Variants in ZNF276 observed in about 807,000 individuals in gnomAD.
ZNF276 encodes zinc finger protein 276.
ZNF276 carries 59 observed loss-of-function variants against 63.9 expected under a neutral mutation model. The ratio of observed to expected loss-of-function variants is 0.92; its 90% CI spans 0.75 to 1.15. The LOEUF (loss-of-function observed/expected upper bound fraction) is 1.15, where lower values mean the gene tolerates loss of function less well. Ranked by LOEUF, ZNF276 falls within the 50% of genes most tolerant of loss-of-function variation. The pLI is 0.00. For synonymous variants in ZNF276, 496 were observed against 348.4 expected, an observed-to-expected ratio of 1.42 and a Z score of -4.72; for missense variants, 1,084 against 843.8, an observed-to-expected ratio of 1.28 and a Z score of -3.53.
At position 89,738,846 on chromosome 16, in the gene ZNF276, C is replaced by T. The variant is rs757777876; in HGVS notation, c.*600C>T. On this transcript the variant is annotated 3_prime_UTR_variant, in exon 11 of 11. Coordinates refer to ENST00000443381, the MANE Select transcript of ZNF276 (RefSeq NM_001113525.2). ...CCCAGGCAGCTGTCAATTCTCATGT[C>T]CCCCACATGGCCCAAGGTGGGCATC... is the stretch of plus-strand genomic sequence containing the variant. 66 of 1,614,074 alleles carry T rather than the reference C, an allele frequency of 4.1e-5. 1 individual carries two copies. In the South Asian group the frequency reaches 6.7e-4, roughly 16 times the overall value.
rs1365352800 is a variant in ZNF276 at position 89,739,214 on chromosome 16, C to A, written c.*968C>A. The A allele has an allele frequency of 6.2e-7, 1 of 1,614,044 alleles. No individual in the cohort carries two copies. Among genetic ancestry groups the A allele is most frequent in the Non-Finnish European group, 8.5e-7 (1 of 1,180,048 alleles). On this transcript the variant is annotated 3_prime_UTR_variant, in exon 11 of 11. Coordinates refer to ENST00000443381, the MANE Select transcript of ZNF276 (RefSeq NM_001113525.2). ...CAGCCACGAAGAGCTGGACCAGCTT[C>A]AAGTACATGTCCACAGCAACATGCA...
chr16:89,726,355 C>T (rs1391892333), intron 4 of ZNF276, among the ~76,000 whole-genome samples: 1 of 152,130 alleles, frequency 6.6e-6, no homozygotes, highest in Non-Finnish European at 1.5e-5. Flanking sequence ...CACCACTATG[C>T]CTGGCTATTT....
chr16:89,739,646 G>A lies in ZNF276; in HGVS notation c.*1400G>A. On this transcript the variant is annotated 3_prime_UTR_variant, in exon 11 of 11. Coordinates refer to ENST00000443381, the MANE Select transcript of ZNF276 (RefSeq NM_001113525.2). ...CCTGGGGGTCGGGACGTGTACCCTG[G>A]GAGGCCTGGCTGTGGGGATAGTGTG... is the stretch of plus-strand genomic sequence containing the variant. 6.6e-7 allele frequency: 1 copy of A among 1,511,770 alleles called. No homozygotes were observed. The allele number at this position is 1,511,770 out of a possible 1,614,324, so 93.6% of individuals were successfully genotyped here. A position where few individuals can be genotyped will look rare whatever the true frequency, so the allele number is the denominator to read the frequency against.
chr16:89,738,147 C>T lies in ZNF276; in HGVS notation c.1746C>T (p.Thr582=). ...HMSMVHPLTQ[T]QDKALPLEAE... The stretch of plus-strand genomic sequence containing the variant: ...CCATGGTGCACCCGCTGACACAGAC[C>T]CAGGACAAGGCCCTGCCCCTGGAGG... The change falls in exon 11 of 11, where the codon ACC becomes ACT. Residue 582 remains threonine (T), a synonymous_variant. Transcript: ENST00000443381. 1.2e-6 allele frequency: 2 copies of T among 1,613,640 alleles called. No individual in the cohort carries two copies. Among genetic ancestry groups the T allele is most frequent in the Admixed American group, 1.7e-5 (1 of 60,024 alleles).
Position 89,740,738 on chromosome 16 carries a change from GCTGCCTGGTGCCC to G in ZNF276, c.*2501_*2513del, listed in dbSNP as rs2062111703. 2.1e-6 allele frequency: 3 copies of G among 1,398,366 alleles called. No homozygotes were observed. Among genetic ancestry groups the G allele is most frequent in the Non-Finnish European group, 3.0e-6 (3 of 991,602 alleles). The allele number at this position is 1,398,366 out of a possible 1,614,324, so 86.6% of individuals were successfully genotyped here. ...TCTGGAAACCCTGACTTGGAAGCTG[GCTGCCTGGTGCCC>G]CTGCCTGGCCCACAGTGGGAGAGGA... On this transcript the variant is annotated 3_prime_UTR_variant, in exon 11 of 11. Transcript: ENST00000443381.
rs2061693144 is a variant in ZNF276, at chr16:89,732,645, C to G, written c.1170-657C>G. 3 of 217,748 alleles carry G rather than the reference C, an allele frequency of 1.4e-5. No homozygotes were observed. The South Asian group carries it at 1.7e-4, about 12-fold the overall frequency. The allele number at this position is 217,748 out of a possible 1,614,324, so 13.5% of individuals were successfully genotyped here. A position where few individuals can be genotyped will look rare whatever the true frequency, so the allele number is the denominator to read the frequency against. On this transcript the variant is annotated intron_variant, in intron 6 of 10. Coordinates refer to ENST00000443381, the MANE Select transcript of ZNF276 (RefSeq NM_001113525.2). ...TGCCCTCGCCCTCCGCTGTGTTTGC[C>G]CTGACCCTCCTGTACCCTGCGTCCT...
Position 89,738,337 on chromosome 16 carries a change from C to T in ZNF276, c.*91C>T, listed in dbSNP as rs1213448276. The T allele has an allele frequency of 5.2e-5, 78 of 1,495,544 alleles. No homozygotes were observed. The highest frequency in any genetic ancestry group is 2.3e-4 in the Middle Eastern group (1 of 4,290). The allele number at this position is 1,495,544 out of a possible 1,614,324, so 92.6% of individuals were successfully genotyped here. A position where few individuals can be genotyped will look rare whatever the true frequency, so the allele number is the denominator to read the frequency against. ...TTCGTGTGCACCCGCATGGGAGGGTCGGAGGGTGCTGCCCGCCCTTGGTGC... is the reference window on the plus strand; with the variant it reads ...TTCGTGTGCACCCGCATGGGAGGGTTGGAGGGTGCTGCCCGCCCTTGGTGC... On this transcript the variant is annotated 3_prime_UTR_variant, in exon 11 of 11. Transcript: ENST00000443381.
At chr16:89,723,010 G>C in intron 2 of ZNF276, 127 bp from the exon 3 acceptor site, 8 of 1,594,000 alleles carry the variant, frequency 5.0e-6, no homozygotes, top group Non-Finnish European at 6.8e-6. Context: ...GGGAGGAGCT[G>C]GGGTGAGGGA....
chr16:89,724,077 G>A (rs1048532859), intron 4 of ZNF276, among the ~76,000 whole-genome samples: 1 of 152,232 alleles, frequency 6.6e-6, no homozygotes, highest in African/African-American at 2.4e-5. Flanking sequence ...TTGCCTCTGC[G>A]GCTGCTGCCC....
intron 4 of ZNF276, among the ~76,000 whole-genome samples, chr16:89,725,646 C>T (rs571411232): frequency 4.6e-5 from 7 of 152,120 alleles, no homozygotes; most frequent in Middle Eastern, 3.4e-3. Flanking sequence ...AAAAAATTAG[C>T]TGGATGTGGC....
At chr16:89,726,040 G>A (rs765584712) in intron 4 of ZNF276, among the ~76,000 whole-genome samples, 4 of 152,174 alleles carry the variant, frequency 2.6e-5, no homozygotes, top group African/African-American at 9.7e-5. Context: ...TTTATTGATG[G>A]AGTCTCACTC....
chr16:89,721,620 C>G lies in ZNF276; in HGVS notation c.-21C>G. ...CGGGCCGGGCAGCACCCGCGGGATT[C>G]TGCTGGCGTCCTCCGCTGCCATGAA... On this transcript the variant is annotated 5_prime_UTR_variant, in exon 1 of 11. Transcript: ENST00000443381. 1 of 1,474,390 alleles carries G rather than the reference C, an allele frequency of 6.8e-7. No individual in the cohort carries two copies. Among genetic ancestry groups the G allele is most frequent in the Non-Finnish European group, 8.9e-7 (1 of 1,118,364 alleles). The allele number at this position is 1,474,390 out of a possible 1,614,324, so 91.3% of individuals were successfully genotyped here. A position where few individuals can be genotyped will look rare whatever the true frequency, so the allele number is the denominator to read the frequency against.
chr16:89,729,057 T>C (rs1032540093), intron 5 of ZNF276, among the ~76,000 whole-genome samples, 178 bp from the exon 6 acceptor site: 3 of 152,230 alleles, frequency 2.0e-5, no homozygotes, highest in African/African-American at 7.2e-5. Context: ...TGAGCCTGGC[T>C]GGCCCTTTGT....
At chr16:89,734,653 A>G (rs762265894) in intron 9 of ZNF276, among the ~76,000 whole-genome samples, 17 of 152,284 alleles carry the variant, frequency 1.1e-4, no homozygotes, top group Non-Finnish European at 2.2e-4. Flanking sequence ...GGCAGAAGGC[A>G]TGAAGGCACA....
At chr16:89,722,410 GCT>G in intron 1 of ZNF276, 119 bp from the exon 2 acceptor site, 1 of 1,171,568 alleles carries the variant, frequency 8.5e-7, no homozygotes, top group Non-Finnish European at 1.2e-6. Context: ...CGAGCCGCTT[GCT>G]GTGTCCGGGA....
Position 89,739,199 on chromosome 16 carries a change from G to T in ZNF276, c.*953G>T. The T allele has an allele frequency of 1.9e-6, 3 of 1,614,194 alleles. No individual in the cohort carries two copies. The highest frequency in any genetic ancestry group is 2.5e-6 in the Non-Finnish European group (3 of 1,180,052). Reference sequence around the variant, plus strand: ...CTGTGCTTGTATCCCCAGCCACGAAGAGCTGGACCAGCTTCAAGTACATGT... The same window carrying T: ...CTGTGCTTGTATCCCCAGCCACGAATAGCTGGACCAGCTTCAAGTACATGT... On this transcript the variant is annotated 3_prime_UTR_variant, in exon 11 of 11. Coordinates refer to ENST00000443381, the MANE Select transcript of ZNF276 (RefSeq NM_001113525.2).
chr16:89,722,078 C>T lies in ZNF276; in HGVS notation c.205+233C>T, dbSNP rs1047364516. 5.9e-5 allele frequency among the ~76,000 whole-genome samples: 9 copies of T among 152,238 alleles called. No individual in the cohort carries two copies. In the South Asian group the frequency reaches 8.3e-4, roughly 14 times the overall value. On this transcript the variant is annotated intron_variant, in intron 1 of 10. Transcript: ENST00000443381. ...CGGCCGCGGGCTCGGCCAGAAGGGA[C>T]CCGGCGTGAGGAGCGCTGTCACCGC...
At chr16:89,736,048 C>T (rs1242735691) in intron 9 of ZNF276, among the ~76,000 whole-genome samples, 8 of 152,102 alleles carry the variant, frequency 5.3e-5, no homozygotes, top group Non-Finnish European at 1.5e-5. Flanking sequence ...CTGGCCACCA[C>T]ACCCAACTAA....
chr16:89,738,384 G>T lies in ZNF276; in HGVS notation c.*138G>T, dbSNP rs1193486928. 1.4e-6 allele frequency: 2 copies of T among 1,403,946 alleles called. No homozygotes were observed. Among genetic ancestry groups the T allele is most frequent in the Non-Finnish European group, 1.9e-6 (2 of 1,046,916 alleles). The allele number at this position is 1,403,946 out of a possible 1,614,324, so 87.0% of individuals were successfully genotyped here. A position where few individuals can be genotyped will look rare whatever the true frequency, so the allele number is the denominator to read the frequency against. On this transcript the variant is annotated 3_prime_UTR_variant, in exon 11 of 11. Transcript: ENST00000443381. ...GTGCTGGAGGCGGGCTTGGTGTCCG[G>T]CTCAAGTAGCCTTCCTCTGCTCTGG...
Sources: gnomAD v4.1 joint callset for allele counts (sites outside exome capture counted in the v4.1 genomes callset) on GRCh38, gnomAD v4.1.1 for gene constraint, MANE v1.5 for transcripts, NCBI Gene and HGNC (gene_info 2026-07-23, HGNC 2026-07-21) for gene names.